GCC2: variants seen among roughly 807,000 people sequenced by gnomAD.
GCC2 encodes the protein GRIP and coiled-coil domain-containing protein 2.
A neutral mutation model predicts 210.6 loss-of-function variants in GCC2; 120 were observed. The observed-to-expected ratio is 0.57, with a 90% CI of 0.49 to 0.66. The LOEUF is 0.66. Among genes scored for constraint, GCC2 ranks in the 30% least tolerant of loss-of-function variants. The pLI is 0.00. For synonymous variants in GCC2, 703 were observed against 652.7 expected (o/e 1.08, Z -1.17); for missense variants, 1,868 against 1,871.9 (o/e 1.00, Z 0.04).
chr2:108,459,745 C>CTTTGTCTTTT (rs1680456688), intron 4 of GCC2, among the ~76,000 whole-genome samples: 1 of 26,764 alleles, frequency 3.7e-5, no homozygotes, highest in Non-Finnish European at 6.7e-5. Flanking sequence ...CCTTCTTTGT[C>CTTTGTCTTTT]TTTTTTTTTT....
chr2:108,506,675 A>G (rs906737824), intron 22 of GCC2, among the ~76,000 whole-genome samples: 7 of 152,170 alleles, frequency 4.6e-5, no homozygotes, highest in Admixed American at 6.5e-5. Flanking sequence ...CCATAAATCT[A>G]TTGGTTTTAG....
At chr2:108,454,807 T>C (rs555295752) in intron 4 of GCC2, among the ~76,000 whole-genome samples, 2 of 152,292 alleles carry the variant, frequency 1.3e-5, no homozygotes, top group Non-Finnish European at 2.9e-5. Context: ...AGGTAATATA[T>C]CTACTGCACA....
chr2:108,487,898 T>C (rs1287419553), intron 17 of GCC2, 78 bp downstream of exon 17: 3 of 1,208,798 alleles, frequency 2.5e-6, no homozygotes, highest in Non-Finnish European at 2.3e-6. Flanking sequence ...AATCCTATTA[T>C]GATTTTTTTT....
chr2:108,456,275 G>A (rs557029940), intron 4 of GCC2, among the ~76,000 whole-genome samples: 53 of 151,820 alleles, frequency 3.5e-4, no homozygotes, highest in African/African-American at 1.1e-3. Context: ...GTGAGCCACC[G>A]CTCCTGGCCT....
At position 108,495,402 on chromosome 2, in the gene GCC2, C is replaced by A; in HGVS notation, c.4559C>A (p.Thr1520Lys). The A allele has an allele frequency of 1.9e-6, 3 of 1,587,126 alleles. No homozygotes were observed. Among genetic ancestry groups the A allele is most frequent in the Non-Finnish European group, 2.6e-6 (3 of 1,171,398 alleles). Residue 1520 changes from threonine (T) to lysine (K), a missense_variant, in exon 20 of 23, where the codon ACA becomes AAA. Transcript: ENST00000309863. Reference sequence around the variant, plus strand: ...CGGGAAGAGGGAGAAGGCATGGAGACAACTGATACGGAGTCTGTGTCTTCC... The same window carrying A: ...CGGGAAGAGGGAGAAGGCATGGAGAAAACTGATACGGAGTCTGTGTCTTCC... ...VTREEGEGME[T>K]TDTESVSSAS...
intron 4 of GCC2, among the ~76,000 whole-genome samples, chr2:108,454,223 C>CTCG (rs1188686069): frequency 2.6e-5 from 4 of 152,162 alleles, no homozygotes; most frequent in Non-Finnish European, 5.9e-5. Context: ...ATCTCCTGAC[C>CTCG]TCGTGATCCA....
chr2:108,449,375 C>A (rs1679773792), intron 1 of GCC2, 95 bp downstream of exon 1: 1 of 1,494,504 alleles, frequency 6.7e-7, no homozygotes, highest in Non-Finnish European at 9.0e-7. Context: ...GGTAGTCTCC[C>A]TCTTGGTGTC....
At chr2:108,451,189 A>C in intron 3 of GCC2, 77 bp downstream of exon 3, 1 of 839,170 alleles carries the variant, frequency 1.2e-6, no homozygotes, top group African/African-American at 1.7e-5. Flanking sequence ...AAAATAATGC[A>C]TTGGCTTGTT....
Position 108,471,679 on chromosome 2 carries a change from C to A in GCC2, c.2350C>A (p.Gln784Lys). 1 of 1,613,568 alleles carries A rather than the reference C, an allele frequency of 6.2e-7. No individual in the cohort carries two copies. Among genetic ancestry groups the A allele is most frequent in the Non-Finnish European group, 8.5e-7 (1 of 1,179,604 alleles). The change falls in exon 6 of 23, where the codon CAG becomes AAG. Residue 784 changes from glutamine to lysine, a missense_variant. By Grantham distance (53) the Gln-to-Lys change is moderately conservative (BLOSUM62 1). Coordinates refer to ENST00000309863, the MANE Select transcript of GCC2 (RefSeq NM_181453.4). ...SEEKDVVNVLQAVGESLAKIN... is the reference protein window; with the variant it reads ...SEEKDVVNVLKAVGESLAKIN... ...AGAGAAAGATGTTGTTAATGTCCTA[C>A]AGGCAGTCGGTGAATCCTTGGCAAA...
chr2:108,450,526 G>A (rs1679877489), intron 2 of GCC2, among the ~76,000 whole-genome samples: 2 of 152,194 alleles, frequency 1.3e-5, no homozygotes, highest in Admixed American at 1.3e-4. Context: ...TTTCATAGTA[G>A]TTGCATAACT....
Position 108,471,670 on chromosome 2 carries a change from A to C in GCC2, c.2341A>C (p.Asn781His). Reference sequence around the variant, plus strand: ...AGACAGTGAAGAGAAAGATGTTGTTAATGTCCTACAGGCAGTCGGTGAATC... The same window carrying C: ...AGACAGTGAAGAGAAAGATGTTGTTCATGTCCTACAGGCAGTCGGTGAATC... ...SEDSEEKDVV[N>H]VLQAVGESLA... Residue 781 changes from asparagine to histidine, a missense_variant, in exon 6 of 23, where the codon AAT becomes CAT. Coordinates refer to ENST00000309863, the MANE Select transcript of GCC2 (RefSeq NM_181453.4). The C allele has an allele frequency of 6.2e-7, 1 of 1,613,488 alleles. No individual in the cohort carries two copies. The highest frequency in any genetic ancestry group is 8.5e-7 in the Non-Finnish European group (1 of 1,179,480).
At chr2:108,484,533 C>A in intron 13 of GCC2, 1 of 250,804 alleles carries the variant, frequency 4.0e-6, no homozygotes, top group African/African-American at 2.2e-5. Context: ...AGGTCTTCTT[C>A]TAGGGTTTTT....
Position 108,485,550 on chromosome 2 carries a change from C to T in GCC2, c.3614-86C>T, listed in dbSNP as rs1573213940. On this transcript the variant is annotated intron_variant, in intron 13 of 22. Transcript: ENST00000309863. ...AGCTAAAACAGGCTTAAAGACAAGC[C>T]AATACAAAGAAGACATATTTGTGTA... 5 of 707,798 alleles carry T rather than the reference C, an allele frequency of 7.1e-6. No individual in the cohort carries two copies. The East Asian group carries it at 7.8e-5, about 11-fold the overall frequency. The allele number at this position is 707,798 out of a possible 1,614,324, so 43.8% of individuals were successfully genotyped here. A position where few individuals can be genotyped will look rare whatever the true frequency, so the allele number is the denominator to read the frequency against.
Position 108,451,057 on chromosome 2 carries a change from C to T in GCC2, c.93C>T (p.Ile31=). ...AAACATTGCCCAAAGAAGACCTCAT[C>T]AAGTTTGCCAAGAAACAGATGATGC... ...KLETLPKEDL[I]KFAKKQMMLI... is the part of the protein sequence containing the mutation. The change falls in exon 3 of 23, where the codon ATC becomes ATT. Residue 31 remains isoleucine (I), a synonymous_variant. Transcript: ENST00000309863. The T allele has an allele frequency of 6.2e-7, 1 of 1,613,146 alleles. No homozygotes were observed. The highest frequency in any genetic ancestry group is 8.5e-7 in the Non-Finnish European group (1 of 1,179,168).
intron 21 of GCC2, among the ~76,000 whole-genome samples, chr2:108,498,013 T>G (rs4012130): frequency 2.0e-5 from 3 of 151,970 alleles, no homozygotes; most frequent in Non-Finnish European, 4.4e-5. Context: ...ATTTTAAAGC[T>G]GAATTCAGTT....
intron 4 of GCC2, among the ~76,000 whole-genome samples, chr2:108,457,390 G>C (rs149340329): frequency 6.6e-6 from 1 of 152,014 alleles, no homozygotes; most frequent in African/African-American, 2.4e-5. Flanking sequence ...GGTTTCTATA[G>C]CCTCGTAATA....
Position 108,470,002 on chromosome 2 carries a change from G to A in GCC2, c.673G>A (p.Ala225Thr). 3 of 1,612,974 alleles carry A rather than the reference G, an allele frequency of 1.9e-6. No individual in the cohort carries two copies. The highest frequency in any genetic ancestry group is 2.5e-6 in the Non-Finnish European group (3 of 1,179,360). ...TACTCAACTCCAAAATATCATTGAGGCTAATTCTCAGCATTACCAAAAAAA... is the reference window on the plus strand; with the variant it reads ...TACTCAACTCCAAAATATCATTGAGACTAATTCTCAGCATTACCAAAAAAA... ...TVTQLQNIIEANSQHYQKNIN... is the reference protein window; with the variant it reads ...TVTQLQNIIETNSQHYQKNIN... Residue 225 changes from alanine to threonine, a missense_variant, in exon 6 of 23, where the codon GCT (alanine) becomes ACT (threonine). By Grantham distance (58) the Ala-to-Thr change is moderately conservative (BLOSUM62 0). Transcript: ENST00000309863.
chr2:108,481,952 AG>A lies in GCC2; in HGVS notation c.3180+138del, dbSNP rs1681881091. On this transcript the variant is annotated intron_variant, in intron 10 of 22. Transcript: ENST00000309863. Reference sequence around the variant, plus strand: ...CCCCACTTTACCCTCCTTCCCACTTAGGAGAGAAGAATAAGACAAAACAGCT... The same window carrying A: ...CCCCACTTTACCCTCCTTCCCACTTAGAGAGAAGAATAAGACAAAACAGCT... The A allele has an allele frequency of 9.7e-6, 6 of 620,796 alleles. No homozygotes were observed. The Admixed American group carries it at 2.1e-4, about 22-fold the overall frequency. The allele number at this position is 620,796 out of a possible 1,614,324, so 38.5% of individuals were successfully genotyped here.
chr2:108,474,693 T>A (rs1336825769), intron 7 of GCC2: 1 of 152,218 alleles, frequency 6.6e-6, no homozygotes, highest in African/African-American at 2.4e-5. Flanking sequence ...GTTTAAGATG[T>A]TCACCTGTCC....
Sources: allele counts gnomAD v4.1 joint callset (sites outside exome capture counted in the v4.1 genomes callset), GRCh38; gene constraint gnomAD v4.1.1; transcripts MANE v1.5; gene names NCBI Gene and HGNC (gene_info 2026-07-23, HGNC 2026-07-21).